GALNTL6: variants seen among roughly 807,000 people sequenced by gnomAD.
The protein encoded by GALNTL6 is polypeptide N-acetylgalactosaminyltransferase-like 6.
A neutral mutation model predicts 73.7 loss-of-function variants in GALNTL6; 46 were observed. The observed-to-expected ratio is 0.62, with a 90% CI of 0.49 to 0.80. The LOEUF is 0.80. Ranked by LOEUF, GALNTL6 falls within the 30% of genes least tolerant of loss-of-function variation. GALNTL6 has a pLI of 0.00. For missense variants in GALNTL6, 604 were observed against 755.0 expected (o/e 0.80, Z 2.34); for synonymous variants, 259 against 263.7 (o/e 0.98, Z 0.17).
At chr4:171,898,525 T>C in intron 2 of GALNTL6, among the ~76,000 whole-genome samples, 1 of 152,106 alleles carries the variant, frequency 6.6e-6, no homozygotes, top group Non-Finnish European at 1.5e-5. Flanking sequence ...CAGTAAAAAG[T>C]ATCAAAGTAC....
intron 3 of GALNTL6, among the ~76,000 whole-genome samples, chr4:172,248,075 C>T (rs1349037807): frequency 6.7e-6 from 1 of 149,748 alleles, no homozygotes; most frequent in Non-Finnish European, 1.5e-5. Context: ...AATAGACAGT[C>T]CTCATAAGGT....
intron 5 of GALNTL6, among the ~76,000 whole-genome samples, chr4:172,629,868 T>C (rs1739322233): frequency 6.6e-6 from 1 of 152,204 alleles, no homozygotes; most frequent in African/African-American, 2.4e-5. Flanking sequence ...GGATTCAAGA[T>C]AAGAAAATCA....
At chr4:172,282,425 A>G (rs1320256054) in intron 3 of GALNTL6, among the ~76,000 whole-genome samples, 1 of 152,194 alleles carries the variant, frequency 6.6e-6, no homozygotes, top group Non-Finnish European at 1.5e-5. Flanking sequence ...TGCTACAAGC[A>G]CTTTGGAAAA....
rs757453245 is a variant in GALNTL6, at chr4:172,348,604, C to A, written c.468C>A (p.Leu156=). Residue 156 remains leucine, a synonymous_variant, in exon 5 of 13, where the codon CTC becomes CTA. Transcript: ENST00000506823. The stretch of plus-strand genomic sequence containing the variant: ...TTCATAATGAAGGTTGGACTTCACT[C>A]CTGCGGACCATACACAGTATAATTA... ...IPFHNEGWTS[L]LRTIHSIINR... is the part of the protein sequence containing the mutation. 31 of 1,611,710 alleles carry A rather than the reference C, an allele frequency of 1.9e-5. No individual in the cohort carries two copies. The highest frequency in any genetic ancestry group is 2.5e-5 in the Non-Finnish European group (30 of 1,178,028).
chr4:172,690,076 G>A (rs1733175202), intron 5 of GALNTL6, among the ~76,000 whole-genome samples: 1 of 152,036 alleles, frequency 6.6e-6, no homozygotes, highest in African/African-American at 2.4e-5. Flanking sequence ...AAATAACAGT[G>A]ATTTTCTTGT....
At chr4:172,718,635 C>T (rs888780215) in intron 5 of GALNTL6, among the ~76,000 whole-genome samples, 3 of 151,234 alleles carry the variant, frequency 2.0e-5, no homozygotes, top group Non-Finnish European at 4.4e-5. Flanking sequence ...AAGACCCCAT[C>T]TCAAAAAAAC....
chr4:172,692,920 A>G (rs993243164), intron 5 of GALNTL6, among the ~76,000 whole-genome samples: 8 of 152,206 alleles, frequency 5.3e-5, no homozygotes, highest in Non-Finnish European at 7.4e-5. Flanking sequence ...ATGACCCAGA[A>G]TGACTCATCC....
intron 2 of GALNTL6, among the ~76,000 whole-genome samples, chr4:171,930,463 A>G (rs1430584023): frequency 6.6e-6 from 1 of 152,196 alleles, no homozygotes; most frequent in African/African-American, 2.4e-5. Flanking sequence ...ATTTAACTTA[A>G]CACAATAAAA....
chr4:172,604,335 T>A (rs912591080), intron 5 of GALNTL6, among the ~76,000 whole-genome samples: 6 of 152,122 alleles, frequency 3.9e-5, no homozygotes, highest in African/African-American at 1.2e-4. Flanking sequence ...TGAATTTTTT[T>A]AAAAAGATGC....
intron 2 of GALNTL6, among the ~76,000 whole-genome samples, chr4:171,829,119 A>C (rs182129578): frequency 5.9e-5 from 9 of 152,264 alleles, no homozygotes; most frequent in African/African-American, 2.2e-4. Flanking sequence ...AGTGCACAAG[A>C]GGTCAATATC....
intron 2 of GALNTL6, among the ~76,000 whole-genome samples, chr4:172,043,402 T>C (rs977232944): frequency 4.6e-5 from 7 of 152,018 alleles, no homozygotes; most frequent in African/African-American, 1.2e-4. Context: ...TAAGATATGA[T>C]ACAAGCTTCA....
chr4:173,022,030 A>AGAAGGAAGGAAGGAAGGAAGGAAGGAAG (rs750348404), intron 12 of GALNTL6, among the ~76,000 whole-genome samples: 5 of 69,236 alleles, frequency 7.2e-5, no homozygotes, highest in African/African-American at 2.7e-4. Flanking sequence ...AAGGAAGGAA[A>AGAAGGAAGGAAGGAAGGAAGGAAGGAAG]GAAGGAAGGA....
At chr4:172,011,786 A>T (rs10029618) in intron 2 of GALNTL6, among the ~76,000 whole-genome samples, 142,150 of 151,914 alleles carry the variant, frequency 0.94, 66,800 homozygotes, top group East Asian at 1. Context: ...CCTTGAATAG[A>T]AATGTAAGAA....
At chr4:172,404,944 T>C (rs890646737) in intron 5 of GALNTL6, among the ~76,000 whole-genome samples, 29 of 152,078 alleles carry the variant, frequency 1.9e-4, no homozygotes, top group Non-Finnish European at 3.4e-4. Flanking sequence ...GGCTCATTAG[T>C]ACATTAGCAA....
chr4:172,714,673 A>C (rs967798191), intron 5 of GALNTL6, among the ~76,000 whole-genome samples: 9 of 152,300 alleles, frequency 5.9e-5, no homozygotes, highest in Admixed American at 1.3e-4. Flanking sequence ...GTTTTAGGGT[A>C]CATGTGCAGA....
In GALNTL6 at chr4:172,276,270, C is replaced by T. The variant is rs148555063; in HGVS notation, c.248-35344C>T. On this transcript the variant is annotated intron_variant, in intron 3 of 12. Coordinates refer to ENST00000506823, the MANE Select transcript of GALNTL6 (RefSeq NM_001034845.3). ...AATGTGGACATGTTTCCTGGAGCCA[C>T]GGCAGTCATTCTGTTACCATGAGGT... 2.4e-3 allele frequency among the ~76,000 whole-genome samples: 370 copies of T among 152,182 alleles called. 4 individuals carry two copies. The highest frequency in any genetic ancestry group is 8.5e-3 in the African/African-American group (354 of 41,496).
intron 2 of GALNTL6, among the ~76,000 whole-genome samples, chr4:171,959,234 A>G (rs72993030): frequency 0.032 from 4,797 of 152,098 alleles, 185 homozygotes; most frequent in African/African-American, 0.092. Context: ...TTTTTTTTTG[A>G]AAACAATATA....
At chr4:172,067,723 C>G (rs550102961) in intron 2 of GALNTL6, among the ~76,000 whole-genome samples, 1 of 110,536 alleles carries the variant, frequency 9.0e-6, no homozygotes, top group East Asian at 2.1e-4. Context: ...GAGTGACAGT[C>G]CAATGATCAT....
At chr4:172,503,817 C>T (rs1473992680) in intron 5 of GALNTL6, among the ~76,000 whole-genome samples, 2 of 151,756 alleles carry the variant, frequency 1.3e-5, no homozygotes, top group African/African-American at 4.8e-5. Context: ...TCAGAATGGG[C>T]AAGTAATGCC....
Sources: allele counts gnomAD v4.1 joint callset (sites outside exome capture counted in the v4.1 genomes callset), GRCh38; gene constraint gnomAD v4.1.1; transcripts MANE v1.5; gene names NCBI Gene and HGNC (gene_info 2026-07-23, HGNC 2026-07-21).